TYR: variants seen among roughly 807,000 people sequenced by gnomAD.
The protein encoded by TYR is tyrosinase, also known as LB24-AB.
Under a neutral mutation model 51.5 loss-of-function variants are expected in TYR, and 58 were observed. The observed-to-expected ratio is 1.13, with a 90% confidence interval of 0.91 to 1.40. TYR has a LOEUF of 1.40. Ranked by LOEUF, TYR falls within the 40% of genes most tolerant of loss-of-function variation. TYR has a pLI of 0.00. For synonymous variants in TYR, 263 were observed against 235.2 expected, an observed-to-expected ratio of 1.12 and a Z score of -1.08; for missense variants, 732 against 647.4, an observed-to-expected ratio of 1.13 and a Z score of -1.42.
At chr11:89,264,739 A>AAG in intron 3 of TYR, among the ~76,000 whole-genome samples, 1 of 151,384 alleles carries the variant, frequency 6.6e-6, no homozygotes, top group Non-Finnish European at 1.5e-5. Flanking sequence ...TGCAGCCAAA[A>AAG]AAAAAAAACA....
chr11:89,254,044 G>A (rs1181558597), intron 3 of TYR, among the ~76,000 whole-genome samples: 1 of 151,578 alleles, frequency 6.6e-6, no homozygotes, highest in Non-Finnish European at 1.5e-5. Flanking sequence ...AGGGATGCTG[G>A]ATTTTGTCAA....
intron 3 of TYR, among the ~76,000 whole-genome samples, chr11:89,252,842 C>T (rs1164865659): frequency 6.6e-6 from 1 of 151,678 alleles, no homozygotes; most frequent in African/African-American, 2.4e-5. Context: ...AGGAAAGCAA[C>T]ATTCAGGAAA....
chr11:89,241,118 A>T (rs1301137918), intron 3 of TYR, among the ~76,000 whole-genome samples: 1 of 152,224 alleles, frequency 6.6e-6, no homozygotes, highest in Non-Finnish European at 1.5e-5. Context: ...AACAGCCATC[A>T]AGCAAAGCTG....
At chr11:89,280,676 T>A (rs188901000) in intron 3 of TYR, among the ~76,000 whole-genome samples, 1 of 151,628 alleles carries the variant, frequency 6.6e-6, no homozygotes, top group Non-Finnish European at 1.5e-5. Flanking sequence ...ATGATATAAA[T>A]GATTCTAATG....
chr11:89,237,333 A>G (rs1324335600), intron 3 of TYR, among the ~76,000 whole-genome samples: 3 of 152,038 alleles, frequency 2.0e-5, no homozygotes, highest in Non-Finnish European at 4.4e-5. Context: ...TCACAGTTTC[A>G]GGTCTTACAC....
chr11:89,242,737 A>G (rs1944215563), intron 3 of TYR, among the ~76,000 whole-genome samples: 1 of 152,192 alleles, frequency 6.6e-6, no homozygotes. Flanking sequence ...GGGAGTTCAG[A>G]TAAATAATGT....
chr11:89,187,651 T>C (rs1239918949), intron 1 of TYR, among the ~76,000 whole-genome samples: 3 of 152,136 alleles, frequency 2.0e-5, no homozygotes, highest in African/African-American at 7.2e-5. Context: ...CCCCGTTTTA[T>C]AAACTATAAA....
At chr11:89,249,958 T>A (rs1440711181) in intron 3 of TYR, among the ~76,000 whole-genome samples, 1 of 151,938 alleles carries the variant, frequency 6.6e-6, no homozygotes, top group African/African-American at 2.4e-5. Flanking sequence ...TATAGATGCA[T>A]GTATTGTTCT....
intron 3 of TYR, among the ~76,000 whole-genome samples, chr11:89,251,281 T>C (rs958710085): frequency 4.6e-5 from 7 of 152,004 alleles, no homozygotes; most frequent in African/African-American, 1.7e-4. Context: ...AGATTATTCA[T>C]AACATATCTG....
At chr11:89,278,472 T>G (rs1189472089) in intron 3 of TYR, among the ~76,000 whole-genome samples, 1 of 151,622 alleles carries the variant, frequency 6.6e-6, no homozygotes, top group Non-Finnish European at 1.5e-5. Context: ...AATAAAAAGG[T>G]CTTCTATTAC....
chr11:89,219,296 CTT>C (rs35311585), intron 2 of TYR, among the ~76,000 whole-genome samples: 69 of 138,964 alleles, frequency 5.0e-4, no homozygotes, highest in African/African-American at 4.4e-4. Flanking sequence ...GACAGAGTGA[CTT>C]TTTTTTTTTT....
intron 3 of TYR, among the ~76,000 whole-genome samples, chr11:89,254,599 A>C (rs1944367029): frequency 6.6e-6 from 1 of 151,678 alleles, no homozygotes; most frequent in Non-Finnish European, 1.5e-5. Context: ...AGGTTTTCTA[A>C]TTTATGTGCA....
At chr11:89,284,709 A>C in intron 3 of TYR, 64 bp from the exon 4 acceptor site, 1 of 1,520,828 alleles carries the variant, frequency 6.6e-7, no homozygotes, top group Non-Finnish European at 9.1e-7. Context: ...TTACTTTAAA[A>C]ATTTTCAAAT....
intron 3 of TYR, among the ~76,000 whole-genome samples, chr11:89,251,597 T>C (rs1361279801): frequency 1.3e-5 from 2 of 151,908 alleles, no homozygotes; most frequent in African/African-American, 2.4e-5. Context: ...AGCTGTGTCC[T>C]TATACAAAGC....
At chr11:89,251,773 T>C (rs767354849) in intron 3 of TYR, among the ~76,000 whole-genome samples, 1 of 151,796 alleles carries the variant, frequency 6.6e-6, no homozygotes, top group Non-Finnish European at 1.5e-5. Flanking sequence ...AGGAATCAAT[T>C]GCTTTGGAGA....
intron 2 of TYR, among the ~76,000 whole-genome samples, chr11:89,203,076 C>A (rs1430800823): frequency 6.6e-6 from 1 of 152,160 alleles, no homozygotes; most frequent in Non-Finnish European, 1.5e-5. Context: ...TAGATACTTG[C>A]ATTTCCACAT....
At position 89,189,762 on chromosome 11, in the gene TYR, G is replaced by A. The variant is rs1176698603; in HGVS notation, c.820-1440G>A. Among the ~76,000 whole-genome samples the A allele has an allele frequency of 2.0e-5, 3 of 151,986 alleles. No homozygotes were observed. In the East Asian group the frequency reaches 5.8e-4, roughly 29 times the overall value. On this transcript the variant is annotated intron_variant, in intron 1 of 4. Coordinates refer to ENST00000263321, the MANE Select transcript of TYR (RefSeq NM_000372.5). Reference sequence around the variant, plus strand: ...TCATTTGATAGATGAGGCCTAGACAGTTAAATCATTTTCTTAAGTGGTAGA... The same window carrying A: ...TCATTTGATAGATGAGGCCTAGACAATTAAATCATTTTCTTAAGTGGTAGA...
At chr11:89,223,927 T>G (rs974511023) in intron 2 of TYR, among the ~76,000 whole-genome samples, 1 of 150,316 alleles carries the variant, frequency 6.7e-6, no homozygotes, top group Admixed American at 6.6e-5. Flanking sequence ...TTTTTCTTAA[T>G]AATATTAGGG....
chr11:89,272,476 C>G (rs1434058262), intron 3 of TYR, among the ~76,000 whole-genome samples: 1 of 151,498 alleles, frequency 6.6e-6, no homozygotes, highest in African/African-American at 2.4e-5. Flanking sequence ...TGTGCTGTCA[C>G]CTAAACATTG....
Sources: gnomAD v4.1 joint callset for allele counts (sites outside exome capture counted in the v4.1 genomes callset) on GRCh38, gnomAD v4.1.1 for gene constraint, MANE v1.5 for transcripts, NCBI Gene and HGNC (gene_info 2026-07-23, HGNC 2026-07-21) for gene names.